Variants in MEIKIN observed in about 807,000 individuals in gnomAD.
MEIKIN encodes meiotic kinetochore factor, also known as meiosis-specific kinetochore protein.
intron 8 of MEIKIN, among the ~76,000 whole-genome samples, 173 bp downstream of exon 8, chr5:131,911,642 T>A (rs1751336713): frequency 6.6e-6 from 1 of 151,950 alleles, no homozygotes; most frequent in South Asian, 2.1e-4. Flanking sequence ...AGACCCACTT[T>A]CTGATCCCAC....
At chr5:131,915,736 C>T (rs1343799829) in intron 7 of MEIKIN, among the ~76,000 whole-genome samples, 1 of 151,888 alleles carries the variant, frequency 6.6e-6, no homozygotes, top group African/African-American at 2.4e-5. Context: ...AAGTTTAACT[C>T]ATTATTTCCC....
At chr5:131,910,139 T>C (rs2149642904) in intron 8 of MEIKIN, among the ~76,000 whole-genome samples, 1 of 152,306 alleles carries the variant, frequency 6.6e-6, no homozygotes, top group South Asian at 2.1e-4. Context: ...TTCAGCACTA[T>C]TCACAACAGC....
chr5:131,892,651 T>C (rs1051564578), intron 8 of MEIKIN, among the ~76,000 whole-genome samples: 1 of 152,216 alleles, frequency 6.6e-6, no homozygotes, highest in East Asian at 1.9e-4. Flanking sequence ...ATCTTTGCTA[T>C]TGGTTCGAAC....
chr5:131,932,845 C>G (rs1361376289), intron 5 of MEIKIN, among the ~76,000 whole-genome samples: 3 of 152,136 alleles, frequency 2.0e-5, no homozygotes, highest in Admixed American at 6.5e-5. Flanking sequence ...AAATTATGAG[C>G]TTTTCTGTGA....
chr5:131,889,918 A>T (rs1000208293), intron 8 of MEIKIN, among the ~76,000 whole-genome samples: 2 of 152,074 alleles, frequency 1.3e-5, no homozygotes, highest in Non-Finnish European at 2.9e-5. Flanking sequence ...GTTTTTAGCA[A>T]GAAGGGTTGT....
intron 9 of MEIKIN, among the ~76,000 whole-genome samples, chr5:131,863,134 T>C (rs987965386): frequency 2.0e-5 from 3 of 152,202 alleles, no homozygotes; most frequent in Admixed American, 6.5e-5. Flanking sequence ...TTTTATTCCA[T>C]TGTGGCCTGA....
chr5:131,851,941 G>A (rs917075244), intron 10 of MEIKIN, among the ~76,000 whole-genome samples: 9 of 152,102 alleles, frequency 5.9e-5, no homozygotes, highest in African/African-American at 2.2e-4. Context: ...TGAATACTGA[G>A]GGATGACTGT....
At chr5:131,823,297 C>T (rs751689749) in intron 11 of MEIKIN, among the ~76,000 whole-genome samples, 60 of 152,116 alleles carry the variant, frequency 3.9e-4, no homozygotes, top group Non-Finnish European at 6.0e-4. Flanking sequence ...TCTTTCTCTA[C>T]CTCCTCTTTA....
chr5:131,830,012 T>A (rs934793777), intron 11 of MEIKIN, among the ~76,000 whole-genome samples: 2 of 152,180 alleles, frequency 1.3e-5, no homozygotes, highest in African/African-American at 4.8e-5. Flanking sequence ...GTAAACAAGA[T>A]AATAATTTAC....
chr5:131,933,476 A>G lies in MEIKIN; in HGVS notation c.478+37T>C, dbSNP rs374408230. The G allele has an allele frequency of 1.8e-4, 73 of 396,800 alleles. No individual in the cohort carries two copies. In the East Asian group the frequency reaches 2.5e-3, roughly 13 times the overall value. The allele number at this position is 396,800 out of a possible 1,614,324, so 24.6% of individuals were successfully genotyped here. On this transcript the variant is annotated intron_variant, in intron 5 of 12. Transcript: ENST00000442687. ...ATTTGTGGACAAAAGAATAATTTCTATAGTAGAGCAATTTAAGGTTGGAAT... is the reference window on the plus strand; with the variant it reads ...ATTTGTGGACAAAAGAATAATTTCTGTAGTAGAGCAATTTAAGGTTGGAAT...
At chr5:131,906,794 T>C (rs574037369) in intron 8 of MEIKIN, among the ~76,000 whole-genome samples, 15 of 152,222 alleles carry the variant, frequency 9.9e-5, no homozygotes, top group African/African-American at 3.6e-4. Context: ...ACAGTCTCAC[T>C]TATAAGTGGG....
chr5:131,928,110 C>T (rs1048548075), intron 5 of MEIKIN, among the ~76,000 whole-genome samples: 2 of 146,654 alleles, frequency 1.4e-5, no homozygotes, highest in Non-Finnish European at 3.0e-5. Context: ...CGCCACTGCA[C>T]TCCAGCCTGG....
At chr5:131,870,502 C>G (rs1052366004) in intron 9 of MEIKIN, among the ~76,000 whole-genome samples, 1 of 151,988 alleles carries the variant, frequency 6.6e-6, no homozygotes. Context: ...CCCGTTTCCA[C>G]GACTTAAAAA....
At chr5:131,842,045 T>A (rs1466876375) in intron 11 of MEIKIN, among the ~76,000 whole-genome samples, 2 of 152,018 alleles carry the variant, frequency 1.3e-5, no homozygotes, top group Non-Finnish European at 2.9e-5. Context: ...CTGTCTCCAG[T>A]CTGGAGTGCA....
intron 4 of MEIKIN, among the ~76,000 whole-genome samples, chr5:131,941,544 T>C (rs1298089440): frequency 6.6e-6 from 1 of 152,210 alleles, no homozygotes; most frequent in Non-Finnish European, 1.5e-5. Flanking sequence ...CAGTGGTTTT[T>C]TTTCCTGCTG....
intron 11 of MEIKIN, among the ~76,000 whole-genome samples, chr5:131,840,677 G>A (rs1749889674): frequency 6.6e-6 from 1 of 152,172 alleles, no homozygotes; most frequent in Non-Finnish European, 1.5e-5. Context: ...AATTCTTGTA[G>A]TGTGTTTCTC....
chr5:131,826,633 C>G (rs1224496524), intron 11 of MEIKIN, among the ~76,000 whole-genome samples: 2 of 152,150 alleles, frequency 1.3e-5, no homozygotes, highest in Non-Finnish European at 2.9e-5. Flanking sequence ...GAAGAGGGAC[C>G]TAGTGAGAGA....
chr5:131,924,009 G>A (rs751038183), intron 5 of MEIKIN, among the ~76,000 whole-genome samples: 4 of 151,996 alleles, frequency 2.6e-5, no homozygotes, highest in Admixed American at 1.3e-4. Flanking sequence ...AGTTCCTGTC[G>A]AACATCATCC....
chr5:131,910,532 G>A (rs1356429538), intron 8 of MEIKIN, among the ~76,000 whole-genome samples: 1 of 151,982 alleles, frequency 6.6e-6, no homozygotes, highest in Non-Finnish European at 1.5e-5. Context: ...ACAACAGCAT[G>A]ACTGTAGTAA....
Sources: allele counts gnomAD v4.1 joint callset (sites outside exome capture counted in the v4.1 genomes callset), GRCh38; gene constraint gnomAD v4.1.1; transcripts MANE v1.5; gene names NCBI Gene and HGNC (gene_info 2026-07-23, HGNC 2026-07-21).